KDM5B: variants seen among roughly 807,000 people sequenced by gnomAD.
The protein encoded by KDM5B is lysine-specific demethylase 5B.
A neutral mutation model predicts 193.4 loss-of-function variants in KDM5B; 144 were observed. That is an observed-to-expected ratio of 0.74 (90% CI 0.65 to 0.86). The LOEUF (loss-of-function observed/expected upper bound fraction) is 0.86, where lower values mean the gene tolerates loss of function less well. KDM5B is among the 40% of genes least tolerant of loss of function. The pLI is 0.00. For missense variants in KDM5B, 1,833 were observed against 1,886.9 expected (o/e 0.97, Z 0.53); for synonymous variants, 668 against 682.6 (o/e 0.98, Z 0.33).
chr1:202,774,519 G>A (rs916335634), intron 3 of KDM5B, 94 bp downstream of exon 3: 109 of 1,212,312 alleles, frequency 9.0e-5, no homozygotes, highest in Non-Finnish European at 1.1e-4. Flanking sequence ...CGAGCCACCT[G>A]GCTGAGCAAT....
At position 202,732,768 on chromosome 1, in the gene KDM5B, T is replaced by C. The variant is rs1370616137; in HGVS notation, c.3909+633A>G. Among the ~76,000 whole-genome samples the C allele has an allele frequency of 3.3e-5, 5 of 152,162 alleles. No individual in the cohort carries two copies. In the East Asian group the frequency reaches 5.8e-4, roughly 18 times the overall value. ...AACCATCAGATTAACCTCATAAAGA[T>C]TGAATACTGTCTTCCTGATTGTACT... On this transcript the variant is annotated intron_variant, in intron 23 of 26. Coordinates refer to ENST00000367265, the MANE Select transcript of KDM5B (RefSeq NM_006618.5).
At chr1:202,744,735 GTGGTGAT>G (rs1655485144) in intron 16 of KDM5B, among the ~76,000 whole-genome samples, 1 of 152,216 alleles carries the variant, frequency 6.6e-6, no homozygotes, top group East Asian at 1.9e-4. Context: ...GGAAGACAGT[GTGGTGAT>G]TCTTCAAAGA....
intron 2 of KDM5B, among the ~76,000 whole-genome samples, chr1:202,776,751 G>A (rs1436443744): frequency 6.6e-6 from 1 of 152,160 alleles, no homozygotes; most frequent in East Asian, 1.9e-4. Flanking sequence ...TGTTTTAGCA[G>A]AGACAGGGTC....
chr1:202,755,500 T>C, intron 10 of KDM5B, 48 bp from the exon 11 acceptor site: 1 of 1,415,502 alleles, frequency 7.1e-7, no homozygotes, highest in Non-Finnish European at 9.7e-7. Context: ...TATACAATGC[T>C]AACGTTTTAG....
intron 4 of KDM5B, chr1:202,767,557 G>A (rs188761699): frequency 3.6e-5 from 22 of 610,568 alleles, no homozygotes; most frequent in African/African-American, 5.6e-5. Flanking sequence ...TTTAATCTTA[G>A]AGAGTTTCAC....
chr1:202,805,975 C>T (rs1026676477), intron 1 of KDM5B, among the ~76,000 whole-genome samples: 3 of 152,256 alleles, frequency 2.0e-5, no homozygotes, highest in Non-Finnish European at 2.9e-5. Context: ...CCTCTTTAAC[C>T]CCTTTCCTCA....
intron 24 of KDM5B, 23 bp downstream of exon 24, chr1:202,731,805 C>T: frequency 6.7e-7 from 1 of 1,484,318 alleles, no homozygotes; most frequent in South Asian, 1.1e-5. Flanking sequence ...ATCCAGCCCT[C>T]AACGTAATAA....
intron 2 of KDM5B, 90 bp downstream of exon 2, chr1:202,776,927 G>C: frequency 1.2e-6 from 1 of 855,532 alleles, no homozygotes; most frequent in Non-Finnish European, 2.0e-6. Context: ...ATTTACAATG[G>C]TGATTCTGTA....
chr1:202,740,902 T>G (rs1221921706), intron 19 of KDM5B, 90 bp from the exon 20 acceptor site: 2 of 1,310,060 alleles, frequency 1.5e-6, no homozygotes, highest in East Asian at 4.7e-5. Flanking sequence ...TCAAAGGAAA[T>G]TCAGTATGGC....
At chr1:202,748,679 G>A (rs908520116) in intron 14 of KDM5B, among the ~76,000 whole-genome samples, 3 of 152,014 alleles carry the variant, frequency 2.0e-5, no homozygotes, top group African/African-American at 7.3e-5. Flanking sequence ...GACCAGCCTG[G>A]GCAACATAGT....
At chr1:202,769,217 T>C (rs1656606473) in intron 4 of KDM5B, among the ~76,000 whole-genome samples, 1 of 150,032 alleles carries the variant, frequency 6.7e-6, no homozygotes, top group African/African-American at 2.4e-5. Context: ...TTTGTATTTT[T>C]AGTAGAGACA....
At chr1:202,756,235 T>C in intron 10 of KDM5B, 123 bp downstream of exon 10, 1 of 827,628 alleles carries the variant, frequency 1.2e-6, no homozygotes, top group Non-Finnish European at 1.9e-6. Context: ...CTCTTTCTAC[T>C]TTTCTTGAAA....
At chr1:202,791,615 A>C (rs1020029867) in intron 1 of KDM5B, among the ~76,000 whole-genome samples, 2 of 152,032 alleles carry the variant, frequency 1.3e-5, no homozygotes, top group African/African-American at 4.8e-5. Context: ...ATCCATCTCC[A>C]TATCCCCCCA....
intron 8 of KDM5B, among the ~76,000 whole-genome samples, chr1:202,759,613 G>C (rs566044835): frequency 2.0e-5 from 3 of 149,834 alleles, no homozygotes; most frequent in Admixed American, 6.6e-5. Flanking sequence ...TTTTACCAAT[G>C]ACAGCATGCA....
chr1:202,729,991 T>G lies in KDM5B; in HGVS notation c.4213A>C (p.Ser1405Arg). 6.2e-7 allele frequency: 1 copy of G among 1,612,542 alleles called. No individual in the cohort carries two copies. Among genetic ancestry groups the G allele is most frequent in the Non-Finnish European group, 8.5e-7 (1 of 1,179,236 alleles). ...CCRGKRDGIN[S>R]LERKLKRRLE... ...CGTCTCTTCAGTTTTCTCTCAAGAC[T>G]GTTAATTCCATCTCGCTTCCCTCGG... is the stretch of plus-strand genomic sequence containing the variant. The change falls in exon 26 of 27, where the codon AGT (serine) becomes CGT (arginine). Residue 1405 changes from serine to arginine, a missense_variant. Ser to Arg is a moderately radical substitution (Grantham distance 110). This residue lies in a region of KDM5B where 1,379 missense variants were observed against 1,349.6 expected (regional missense o/e 1.02). Transcript: ENST00000367265.
rs1375619955 is a variant in KDM5B at position 202,729,904 on chromosome 1, T to A, written c.4300A>T (p.Lys1434Ter). 6.2e-7 allele frequency: 1 copy of A among 1,614,050 alleles called. No homozygotes were observed. The highest frequency in any genetic ancestry group is 1.3e-5 in the African/African-American group (1 of 74,926). ...WERVKKMRTP[K>*]KKKIKLSHPK... The stretch of plus-strand genomic sequence containing the variant: ...TGGCTCAGTTTGATTTTCTTCTTTT[T>A]GGGGGTCCGCATTTTCTTAACTCGT... The change falls in exon 26 of 27, where the codon AAA becomes TAA. Residue 1434 changes from lysine (K) to a stop codon, truncating the protein, a stop_gained. Transcript: ENST00000367265. LOFTEE classifies it high-confidence loss of function.
rs1446258693 is a variant in KDM5B at position 202,801,633 on chromosome 1, A to AAAATT, written c.204+6468_204+6469insAATTT. 4.4e-4 allele frequency among the ~76,000 whole-genome samples: 12 copies of AAAATT among 27,278 alleles called. No individual in the cohort carries two copies. The East Asian group carries it at 0.012, about 27-fold the overall frequency. The allele number at this position is 27,278 out of a possible 152,430, so 17.9% of individuals were successfully genotyped here. On this transcript the variant is annotated intron_variant, in intron 1 of 26. Transcript: ENST00000367265. The stretch of plus-strand genomic sequence containing the variant: ...TTAATTTTTCATTTAATTTTTATTT[A>AAAATT]CAATTTTCATTTAATTTTCATATTA...
rs1225622722 is a variant in KDM5B, at chr1:202,786,202, G to T, written c.205-9108C>A. ...TAAGAGACGGGGGGTGGGGGGGGGG[G>T]TCTCACTATGTTGCACAGGTTGGTC... On this transcript the variant is annotated intron_variant, in intron 1 of 26. Transcript: ENST00000367265. Among the ~76,000 whole-genome samples the T allele has an allele frequency of 3.2e-5, 3 of 92,980 alleles. No homozygotes were observed. In the East Asian group the frequency reaches 1.1e-3, roughly 34 times the overall value. The allele number at this position is 92,980 out of a possible 152,430, so 61.0% of individuals were successfully genotyped here. A position where few individuals can be genotyped will look rare whatever the true frequency, so the allele number is the denominator to read the frequency against.
chr1:202,803,781 CCATGGCA>C, intron 1 of KDM5B, among the ~76,000 whole-genome samples: 1 of 151,388 alleles, frequency 6.6e-6, no homozygotes, highest in South Asian at 2.1e-4. Context: ...TGACGTTGCG[CCATGGCA>C]CTCCAGCCTG....
Sources: allele counts gnomAD v4.1 joint callset (sites outside exome capture counted in the v4.1 genomes callset), GRCh38; gene constraint gnomAD v4.1.1; regional missense constraint gnomAD v4.1.1; transcripts MANE v1.5; gene names NCBI Gene and HGNC (gene_info 2026-07-23, HGNC 2026-07-21).